Variants in KAZN observed in about 807,000 individuals in gnomAD.
KAZN encodes the protein kazrin.
In KAZN, 40 loss-of-function variants were observed where a neutral mutation model predicts 87.4. That is an observed-to-expected ratio of 0.46 (90% CI 0.36 to 0.60). The LOEUF (loss-of-function observed/expected upper bound fraction) is 0.60, where lower values mean the gene tolerates loss of function less well. Ranked by LOEUF, KAZN falls within the 20% of genes least tolerant of loss-of-function variation. The pLI is 0.00. For missense variants in KAZN, 898 were observed against 1,073.9 expected (o/e 0.84, Z 2.29); for synonymous variants, 466 against 458.3 (o/e 1.02, Z -0.22).
chr1:14,384,248 A>G (rs200088447), intron 2 of KAZN, among the ~76,000 whole-genome samples: 5,186 of 151,942 alleles, frequency 0.034, 310 homozygotes, highest in East Asian at 0.29. Context: ...ATATACAATC[A>G]TGTCATCTGC....
In KAZN at chr1:14,991,894, G is replaced by A. The variant is rs1269330035; in HGVS notation, c.418+31019G>A. Among the ~76,000 whole-genome samples, 9 of 152,360 alleles carry A rather than the reference G, an allele frequency of 5.9e-5. No homozygotes were observed. In the East Asian group the frequency reaches 1.7e-3, roughly 29 times the overall value. On this transcript the variant is annotated intron_variant, in intron 2 of 14. Transcript: ENST00000376030. ...TGAGAGGTTCTAGCCCTTCGACTGA[G>A]GAGTATCTGTGAATCAAACGCAGCA...
At chr1:14,343,602 T>C (rs542288271) in intron 2 of KAZN, among the ~76,000 whole-genome samples, 22 of 152,278 alleles carry the variant, frequency 1.4e-4, no homozygotes, top group African/African-American at 5.1e-4. Flanking sequence ...AAGAGGATCA[T>C]CATCTCGGCC....
intron 1 of KAZN, among the ~76,000 whole-genome samples, chr1:14,928,436 G>A (rs7530946): frequency 0.16 from 24,047 of 148,748 alleles, 2,026 homozygotes; most frequent in African/African-American, 0.2. Context: ...GCGACAGAGC[G>A]AGACTCAGTC....
intron 2 of KAZN, among the ~76,000 whole-genome samples, chr1:15,017,401 G>T (rs140457119): frequency 2.7e-3 from 418 of 152,310 alleles, no homozygotes; most frequent in African/African-American, 9.6e-3. Context: ...TATTAATAAG[G>T]CCGTGGCTAA....
intron 1 of KAZN, among the ~76,000 whole-genome samples, chr1:14,079,000 T>C (rs1243262205): frequency 6.6e-6 from 1 of 152,174 alleles, no homozygotes; most frequent in Non-Finnish European, 1.5e-5. Flanking sequence ...GGGTCTCTCT[T>C]ATAAGGGCAC....
At chr1:14,421,255 G>A (rs1665408121) in intron 2 of KAZN, among the ~76,000 whole-genome samples, 1 of 152,122 alleles carries the variant, frequency 6.6e-6, no homozygotes, top group South Asian at 2.1e-4. Context: ...TGGAGTGATG[G>A]GGGGAATGGT....
intron 2 of KAZN, among the ~76,000 whole-genome samples, chr1:14,561,013 C>G (rs1326679463): frequency 6.6e-6 from 1 of 152,130 alleles, no homozygotes; most frequent in African/African-American, 2.4e-5. Context: ...TAACACAAGC[C>G]CTCCCTGTCT....
intron 1 of KAZN, among the ~76,000 whole-genome samples, chr1:14,655,978 G>A (rs1015016220): frequency 8.5e-5 from 13 of 152,182 alleles, no homozygotes; most frequent in Non-Finnish European, 1.8e-4. Flanking sequence ...AGCTTATACA[G>A]CGTTTTCACT....
chr1:14,247,045 G>T (rs532827126), intron 2 of KAZN, among the ~76,000 whole-genome samples: 1 of 152,000 alleles, frequency 6.6e-6, no homozygotes, highest in African/African-American at 2.4e-5. Context: ...GCCAAGGCAC[G>T]TTATTGTCTG....
At chr1:15,112,592 C>CTTTTTTTTCTTCTCCCAGCGGCAGGTCT in intron 14 of KAZN, 51 bp downstream of exon 14, 6 of 1,234,734 alleles carry the variant, frequency 4.9e-6, no homozygotes, top group Non-Finnish European at 5.8e-6. Flanking sequence ...CGGGAAAGGT[C>CTTTTTTTTCTTCTCCCAGCGGCAGGTCT]TTTTTTTCTC....
At chr1:14,112,315 G>A (rs1354147174) in intron 1 of KAZN, among the ~76,000 whole-genome samples, 1 of 134,016 alleles carries the variant, frequency 7.5e-6, no homozygotes, top group East Asian at 3.0e-4. Flanking sequence ...CTGCAGCACT[G>A]AGAACACTGC....
At chr1:14,927,767 C>T (rs1659327953) in intron 1 of KAZN, among the ~76,000 whole-genome samples, 1 of 151,710 alleles carries the variant, frequency 6.6e-6, no homozygotes, top group Admixed American at 6.6e-5. Context: ...TCTTCACATC[C>T]TCTACCTTTT....
At chr1:13,919,559 A>T (rs112689093) in intron 1 of KAZN, among the ~76,000 whole-genome samples, 67 of 152,366 alleles carry the variant, frequency 4.4e-4, no homozygotes, top group African/African-American at 1.5e-3. Flanking sequence ...TCCTAGGAGT[A>T]GAACTGGATC....
intron 1 of KAZN, among the ~76,000 whole-genome samples, chr1:14,718,375 A>G (rs1642917255): frequency 6.6e-6 from 1 of 152,192 alleles, no homozygotes; most frequent in Admixed American, 6.5e-5. Context: ...CCTGCTTTTC[A>G]GAGAGTACAG....
intron 1 of KAZN, among the ~76,000 whole-genome samples, chr1:14,113,306 C>T (rs1464744674): frequency 6.6e-6 from 1 of 152,196 alleles, no homozygotes; most frequent in Non-Finnish European, 1.5e-5. Flanking sequence ...GTGGCAAATA[C>T]CCTGCCAACC....
intron 8 of KAZN, among the ~76,000 whole-genome samples, chr1:15,084,396 G>A (rs1334159231): frequency 6.6e-6 from 1 of 152,176 alleles, no homozygotes; most frequent in Non-Finnish European, 1.5e-5. Flanking sequence ...ATTCGGAAGG[G>A]CCTCCCTCTA....
chr1:14,036,229 C>T (rs1313214929), intron 1 of KAZN, among the ~76,000 whole-genome samples: 1 of 152,168 alleles, frequency 6.6e-6, no homozygotes, highest in Non-Finnish European at 1.5e-5. Context: ...TGGCCCAAGA[C>T]ATGTGGGGAC....
At chr1:14,273,145 T>C (rs1652083384) in intron 2 of KAZN, among the ~76,000 whole-genome samples, 1 of 152,132 alleles carries the variant, frequency 6.6e-6, no homozygotes. Flanking sequence ...AGATTAACTT[T>C]AATATATAGA....
intron 1 of KAZN, among the ~76,000 whole-genome samples, chr1:14,171,148 T>C (rs1645946758): frequency 6.6e-6 from 1 of 152,246 alleles, no homozygotes; most frequent in Non-Finnish European, 1.5e-5. Flanking sequence ...CTGAATAGTA[T>C]TCCATTGTAT....
Sources: allele counts gnomAD v4.1 joint callset (sites outside exome capture counted in the v4.1 genomes callset), GRCh38; gene constraint gnomAD v4.1.1; transcripts MANE v1.5; gene names NCBI Gene and HGNC (gene_info 2026-07-23, HGNC 2026-07-21).